FOXO1: variants seen among roughly 807,000 people sequenced by gnomAD.
FOXO1 encodes forkhead box protein O1.
Under a neutral mutation model 44.1 loss-of-function variants are expected in FOXO1, and 6 were observed. The ratio of observed to expected loss-of-function variants is 0.14; its 90% CI spans 0.07 to 0.27. The LOEUF (loss-of-function observed/expected upper bound fraction) is 0.27, where lower values mean the gene tolerates loss of function less well. Ranked by LOEUF, FOXO1 falls within the 10% of genes least tolerant of loss-of-function variation. The pLI is 1.00. For missense variants in FOXO1, 737 were observed against 888.8 expected (o/e 0.83, Z 2.17); for synonymous variants, 380 against 362.7 (o/e 1.05, Z -0.54).
At chr13:40,614,966 A>T (rs1412213622) in intron 1 of FOXO1, among the ~76,000 whole-genome samples, 3 of 152,214 alleles carry the variant, frequency 2.0e-5, no homozygotes, top group Non-Finnish European at 4.4e-5. Context: ...GTCTTTGCCA[A>T]GCTCCAGAAG....
chr13:40,626,465 A>G lies in FOXO1; in HGVS notation c.630+39118T>C, dbSNP rs146402492. Among the ~76,000 whole-genome samples, 672 of 152,334 alleles carry G rather than the reference A, an allele frequency of 4.4e-3. 2 individuals are homozygous for G. Among genetic ancestry groups the G allele is most frequent in the Non-Finnish European group, 6.8e-3 (464 of 68,030 alleles). On this transcript the variant is annotated intron_variant, in intron 1 of 2. Transcript: ENST00000379561. ...AAATGTTCTCTAGTCAGACTTCATA[A>G]AAGAAAGTATAGATGCATTTTTGCA...
chr13:40,598,303 T>C (rs528724813), intron 1 of FOXO1, among the ~76,000 whole-genome samples: 31 of 152,286 alleles, frequency 2.0e-4, no homozygotes, highest in African/African-American at 7.0e-4. Flanking sequence ...GATGGTAGTT[T>C]TTAGTTCAGT....
At chr13:40,658,274 C>T (rs552546463) in intron 1 of FOXO1, among the ~76,000 whole-genome samples, 3 of 152,210 alleles carry the variant, frequency 2.0e-5, no homozygotes, top group South Asian at 2.1e-4. Context: ...GAATGGTTAG[C>T]GGGTAGGAAC....
chr13:40,634,683 C>CT (rs762426679), intron 1 of FOXO1, among the ~76,000 whole-genome samples: 2,549 of 142,930 alleles, frequency 0.018, 69 homozygotes, highest in African/African-American at 0.057. Flanking sequence ...GGCTTTAGTA[C>CT]TTTTTTTTTT....
chr13:40,567,055 T>C (rs1874297636), intron 1 of FOXO1, among the ~76,000 whole-genome samples: 1 of 152,032 alleles, frequency 6.6e-6, no homozygotes, highest in Non-Finnish European at 1.5e-5. Flanking sequence ...GACTCTCACA[T>C]CCCCAACTCC....
At chr13:40,566,054 T>C (rs111240468) in intron 1 of FOXO1, among the ~76,000 whole-genome samples, 1 of 152,206 alleles carries the variant, frequency 6.6e-6, no homozygotes, top group Middle Eastern at 3.2e-3. Flanking sequence ...TATTTAAGTC[T>C]TCTCAAGGTG....
chr13:40,564,165 T>C (rs781045105), intron 1 of FOXO1, among the ~76,000 whole-genome samples: 1 of 152,084 alleles, frequency 6.6e-6, no homozygotes, highest in South Asian at 2.1e-4. Flanking sequence ...GTCAGATCAC[T>C]GGCAAGCCCA....
At position 40,666,628 on chromosome 13, in the gene FOXO1, C is replaced by T. The variant is rs1470314388; in HGVS notation, c.-416G>A. 1.7e-5 allele frequency: 3 copies of T among 178,938 alleles called. No homozygotes were observed. The highest frequency in any genetic ancestry group is 3.6e-5 in the Non-Finnish European group (3 of 84,144). The allele number at this position is 178,938 out of a possible 1,614,324, so 11.1% of individuals were successfully genotyped here. A position where few individuals can be genotyped will look rare whatever the true frequency, so the allele number is the denominator to read the frequency against. Reference sequence around the variant, plus strand: ...CGGCTGCTGCGACTACCAGGCCGCCCGACTTACGGGATCTGCCGCCGCCCC... The same window carrying T: ...CGGCTGCTGCGACTACCAGGCCGCCTGACTTACGGGATCTGCCGCCGCCCC... On this transcript the variant is annotated 5_prime_UTR_variant, in exon 1 of 3. Coordinates refer to ENST00000379561, the MANE Select transcript of FOXO1 (RefSeq NM_002015.4).
intron 1 of FOXO1, among the ~76,000 whole-genome samples, chr13:40,643,240 A>G (rs1465743826): frequency 1.3e-5 from 2 of 151,848 alleles, no homozygotes; most frequent in Admixed American, 1.3e-4. Flanking sequence ...TACTCAGGAC[A>G]CTGAGGTGGG....
At chr13:40,569,006 A>C (rs1189154620) in intron 1 of FOXO1, among the ~76,000 whole-genome samples, 1 of 152,230 alleles carries the variant, frequency 6.6e-6, no homozygotes. Flanking sequence ...AAGAACATGC[A>C]ATATTCCTCC....
At chr13:40,636,848 C>T (rs894092322) in intron 1 of FOXO1, among the ~76,000 whole-genome samples, 3 of 152,192 alleles carry the variant, frequency 2.0e-5, no homozygotes, top group African/African-American at 4.8e-5. Flanking sequence ...AAGCCTAGCA[C>T]AATACCTGGT....
intron 1 of FOXO1, among the ~76,000 whole-genome samples, chr13:40,596,965 G>A (rs1418253170): frequency 6.6e-6 from 1 of 152,138 alleles, no homozygotes; most frequent in Non-Finnish European, 1.5e-5. Flanking sequence ...CCCCAAAGGG[G>A]AGGAAGACAG....
chr13:40,563,007 G>A (rs1212048637), intron 1 of FOXO1, among the ~76,000 whole-genome samples: 1 of 152,234 alleles, frequency 6.6e-6, no homozygotes. Flanking sequence ...GATTCTGGGT[G>A]CCCTAAGACC....
At chr13:40,614,112 TAC>T (rs1876329606) in intron 1 of FOXO1, among the ~76,000 whole-genome samples, 1 of 152,144 alleles carries the variant, frequency 6.6e-6, no homozygotes, top group African/African-American at 2.4e-5. Context: ...CAAAACTCAA[TAC>T]AGAGACAAAT....
In FOXO1 at chr13:40,558,657, A is replaced by G. The variant is rs1873851567; in HGVS notation, c.*392T>C. On this transcript the variant is annotated 3_prime_UTR_variant, in exon 3 of 3. Coordinates refer to ENST00000379561, the MANE Select transcript of FOXO1 (RefSeq NM_002015.4). ...AAGAGTATAAACTTTCCTTGGACCA[A>G]TTGGATATTTAGAAAAACCAAAAAC... The G allele has an allele frequency of 1.3e-5, 5 of 395,302 alleles. No individual in the cohort carries two copies. In the Admixed American group the frequency reaches 2.2e-4, roughly 17 times the overall value. The allele number at this position is 395,302 out of a possible 1,614,324, so 24.5% of individuals were successfully genotyped here.
intron 1 of FOXO1, among the ~76,000 whole-genome samples, chr13:40,622,662 G>A (rs2137904268): frequency 6.6e-6 from 1 of 152,194 alleles, no homozygotes; most frequent in Middle Eastern, 3.4e-3. Context: ...TGCAAAATGG[G>A]GCCAATAATG....
chr13:40,651,993 C>CA (rs879749685), intron 1 of FOXO1, among the ~76,000 whole-genome samples: 78 of 152,218 alleles, frequency 5.1e-4, no homozygotes, highest in African/African-American at 1.8e-3. Flanking sequence ...TCCCATTCAC[C>CA]ACATGTAAAT....
intron 1 of FOXO1, among the ~76,000 whole-genome samples, chr13:40,631,493 C>G (rs1372213987): frequency 6.6e-6 from 1 of 152,092 alleles, no homozygotes; most frequent in Non-Finnish European, 1.5e-5. Flanking sequence ...ATTTTTGCTT[C>G]AAAGGACACC....
intron 1 of FOXO1, chr13:40,618,720 A>C (rs1329499567): frequency 7.2e-6 from 3 of 417,434 alleles, no homozygotes; most frequent in Non-Finnish European, 1.4e-5. Context: ...GGAAAATAAG[A>C]AAGCCAGGAA....
Sources: gnomAD v4.1 joint callset for allele counts (sites outside exome capture counted in the v4.1 genomes callset) on GRCh38, gnomAD v4.1.1 for gene constraint, MANE v1.5 for transcripts, NCBI Gene and HGNC (gene_info 2026-07-23, HGNC 2026-07-21) for gene names.